Variants in PIN4 observed in about 807,000 individuals in gnomAD.
PIN4 encodes peptidyl-prolyl cis-trans isomerase NIMA-interacting 4.
A neutral mutation model predicts 8.3 loss-of-function variants in PIN4; 3 were observed. The ratio of observed to expected loss-of-function variants is 0.36; its 90% CI spans 0.16 to 0.93. The LOEUF (loss-of-function observed/expected upper bound fraction) is 0.93, where lower values mean the gene tolerates loss of function less well. PIN4 is among the 40% of genes least tolerant of loss of function. The pLI, the probability that PIN4 is intolerant of heterozygous loss-of-function variation, is 0.44. For synonymous variants in PIN4, 18 were observed against 32.5 expected, an observed-to-expected ratio of 0.55 and a Z score of 1.52; for missense variants, 75 against 100.6, an observed-to-expected ratio of 0.75 and a Z score of 1.09.
At chrX:72,244,647 CA>C (rs1243794486) in intron 3 of PIN4, among the ~76,000 whole-genome samples, 1 of 111,751 alleles carries the variant, frequency 8.9e-6, no homozygotes, top group Non-Finnish European at 1.9e-5. Context: ...CCTTCAATCC[CA>C]ACCCAGCGTT....
At chrX:72,229,934 T>C (rs951688708) in intron 3 of PIN4, among the ~76,000 whole-genome samples, 6 of 111,553 alleles carry the variant, frequency 5.4e-5, no homozygotes, top group African/African-American at 2.0e-4. Flanking sequence ...GGCTCACGCC[T>C]GTAATCCCAG....
At chrX:72,211,659 A>G (rs2042854810) in intron 3 of PIN4, among the ~76,000 whole-genome samples, 2 of 110,862 alleles carry the variant, frequency 1.8e-5, no homozygotes, top group South Asian at 7.6e-4. Context: ...ACACACCTGT[A>G]GTCAGTCCCA....
downstream of PIN4, among the ~76,000 whole-genome samples, chrX:72,200,699 C>CA (rs1422110337): frequency 8.0e-5 from 9 of 111,939 alleles, no homozygotes; most frequent in African/African-American, 2.9e-4. Context: ...GTACACAATA[C>CA]ACTATCACTT....
intron 1 of PIN4, among the ~76,000 whole-genome samples, chrX:72,185,164 A>AAAAAAAAAC (rs1569488089): frequency 9.6e-6 from 1 of 104,529 alleles, no homozygotes; most frequent in Non-Finnish European, 2.0e-5. Flanking sequence ...AAAAAAAAAA[A>AAAAAAAAAC]AACAACTTTT....
At chrX:72,235,628 G>C (rs1195879164) in intron 3 of PIN4, among the ~76,000 whole-genome samples, 2 of 111,071 alleles carry the variant, frequency 1.8e-5, no homozygotes, top group Non-Finnish European at 3.8e-5. Flanking sequence ...CCTGACCTCA[G>C]GTGATCCACC....
At chrX:72,260,242 T>C (rs1004546853) in intron 3 of PIN4, among the ~76,000 whole-genome samples, 2 of 112,374 alleles carry the variant, frequency 1.8e-5, no homozygotes, top group Non-Finnish European at 3.8e-5. Flanking sequence ...AGTGCTCAAA[T>C]TGGCAGTGGT....
chrX:72,246,476 C>T (rs2043067688), intron 3 of PIN4, among the ~76,000 whole-genome samples: 1 of 111,370 alleles, frequency 9.0e-6, no homozygotes, highest in Non-Finnish European at 1.9e-5. Flanking sequence ...ACTGATCATG[C>T]CATGGCCCTG....
chrX:72,191,580 A>C (rs1294215757), intron 2 of PIN4, among the ~76,000 whole-genome samples: 1 of 111,623 alleles, frequency 9.0e-6, no homozygotes, highest in Non-Finnish European at 1.9e-5. Context: ...CTTTTCTAGA[A>C]TTTCTGGAGG....
At chrX:72,239,155 C>T in intron 3 of PIN4, 2 of 383,630 alleles carry the variant, frequency 5.2e-6, no homozygotes, top group South Asian at 4.2e-5. Context: ...CTACGCGCGC[C>T]GGGAAGCAGA....
At chrX:72,228,187 C>G (rs2042964179) in intron 3 of PIN4, among the ~76,000 whole-genome samples, 1 of 112,042 alleles carries the variant, frequency 8.9e-6, no homozygotes, top group Non-Finnish European at 1.9e-5. Flanking sequence ...TATAAATGAC[C>G]CTGTCTCCTT....
chrX:72,226,787 C>A (rs966799377), intron 3 of PIN4, among the ~76,000 whole-genome samples: 3 of 111,485 alleles, frequency 2.7e-5, no homozygotes, highest in Non-Finnish European at 5.6e-5. Flanking sequence ...CTAATCACAG[C>A]GGGGGCACAA....
At chrX:72,184,543 A>G (rs1224843276) in intron 1 of PIN4, among the ~76,000 whole-genome samples, 1 of 111,087 alleles carries the variant, frequency 9.0e-6, no homozygotes, top group Non-Finnish European at 1.9e-5. Context: ...GGAAGCCCAA[A>G]GCTGATGCCA....
chrX:72,257,506 A>T (rs1044924421), intron 3 of PIN4, among the ~76,000 whole-genome samples: 1 of 111,452 alleles, frequency 9.0e-6, no homozygotes, highest in Non-Finnish European at 1.9e-5. Context: ...TGTAACCCAG[A>T]TGAAAGCTGA....
At chrX:72,197,037 C>A in intron 3 of PIN4, 133 bp downstream of exon 3, 1 of 602,052 alleles carries the variant, frequency 1.7e-6, no homozygotes, top group Non-Finnish European at 2.5e-6. Flanking sequence ...TTCCTTTGTT[C>A]AACCATTGGT....
chrX:72,241,748 G>A (rs757903560), intron 3 of PIN4, among the ~76,000 whole-genome samples: 3 of 111,339 alleles, frequency 2.7e-5, no homozygotes, highest in South Asian at 3.8e-4. Context: ...CCTGGGAGGC[G>A]GAGGTTGTGG....
chrX:72,235,610 C>A (rs1167983079), intron 3 of PIN4, among the ~76,000 whole-genome samples: 1 of 110,964 alleles, frequency 9.0e-6, no homozygotes, highest in African/African-American at 3.3e-5. Flanking sequence ...CCAGGCTGGT[C>A]TCGAACTCCT....
chrX:72,194,799 T>TTCCAG (rs1294251001), intron 2 of PIN4, among the ~76,000 whole-genome samples: 2 of 110,503 alleles, frequency 1.8e-5, no homozygotes, highest in Non-Finnish European at 3.8e-5. Context: ...CCAGAGCAAC[T>TTCCAG]TCCAGTCCTG....
At chrX:72,238,979 G>A (rs886438906) in intron 3 of PIN4, 30 of 1,023,882 alleles carry the variant, frequency 2.9e-5, no homozygotes, top group Non-Finnish European at 3.8e-5. Context: ...CTTGGAGCTT[G>A]GAGCTTAGAG....
chrX:72,228,952 C>A (rs2042968197), intron 3 of PIN4, among the ~76,000 whole-genome samples: 1 of 111,193 alleles, frequency 9.0e-6, no homozygotes, highest in Non-Finnish European at 1.9e-5. Context: ...GACCTTTTAG[C>A]AGGGAGCATA....
Sources: gnomAD v4.1 joint callset for allele counts (sites outside exome capture counted in the v4.1 genomes callset) on GRCh38, gnomAD v4.1.1 for gene constraint, MANE v1.5 for transcripts, NCBI Gene and HGNC (gene_info 2026-07-23, HGNC 2026-07-21) for gene names.